The following IL1RAPL2 variants were observed in gnomAD, a reference collection of about 807,000 sequenced individuals.
IL1RAPL2 encodes the protein interleukin 1 receptor accessory protein like 2, also known as X-linked interleukin-1 receptor accessory protein-like 2.
A neutral mutation model predicts 44.1 loss-of-function variants in IL1RAPL2; 3 were observed. The observed-to-expected ratio is 0.07, with a 90% CI of 0.03 to 0.18. The LOEUF (loss-of-function observed/expected upper bound fraction) is 0.18. IL1RAPL2 is among the 10% of genes least tolerant of loss of function. The pLI, the probability that IL1RAPL2 is intolerant of heterozygous loss-of-function variation, is 1.00. For missense variants in IL1RAPL2, 391 were observed against 496.4 expected, an observed-to-expected ratio of 0.79 and a Z score of 2.02; for synonymous variants, 181 against 178.8, an observed-to-expected ratio of 1.01 and a Z score of -0.10.
At chrX:104,571,403 G>T (rs192764122) in intron 1 of IL1RAPL2, among the ~76,000 whole-genome samples, 2 of 111,563 alleles carry the variant, frequency 1.8e-5, no homozygotes, top group East Asian at 5.6e-4. Flanking sequence ...GTTTGGCTGC[G>T]TCCCCACCCA....
At chrX:104,938,105 G>A (rs1319669937) in intron 2 of IL1RAPL2, among the ~76,000 whole-genome samples, 1 of 112,283 alleles carries the variant, frequency 8.9e-6, no homozygotes, top group East Asian at 2.8e-4. Flanking sequence ...TAAACAGTAA[G>A]CCAGTAATAT....
At chrX:104,766,956 A>G (rs1185820850) in intron 2 of IL1RAPL2, among the ~76,000 whole-genome samples, 1 of 112,193 alleles carries the variant, frequency 8.9e-6, no homozygotes, top group Non-Finnish European at 1.9e-5. Context: ...TGTGACTTGG[A>G]ACTGATGTGG....
intron 6 of IL1RAPL2, among the ~76,000 whole-genome samples, chrX:105,540,840 A>C (rs867245271): frequency 1.5e-5 from 1 of 66,304 alleles, no homozygotes; most frequent in Non-Finnish European, 3.3e-5. Flanking sequence ...TATGATATAT[A>C]ATACATACAT....
rs1464771725 is a variant in IL1RAPL2 at position 104,692,256 on chromosome X, C to T, written c.82+33261C>T. ...AATGTAGTCCATATCTGGATATATGCACTTTTTCTATCAAAAAGCTACACA... is the reference window on the plus strand; with the variant it reads ...AATGTAGTCCATATCTGGATATATGTACTTTTTCTATCAAAAAGCTACACA... On this transcript the variant is annotated intron_variant, in intron 2 of 10. Coordinates refer to ENST00000372582, the MANE Select transcript of IL1RAPL2 (RefSeq NM_017416.2). 4.5e-5 allele frequency among the ~76,000 whole-genome samples: 5 copies of T among 110,812 alleles called. No individual in the cohort carries two copies. The East Asian group carries it at 1.1e-3, about 25-fold the overall frequency.
rs1000956466 is a variant in IL1RAPL2 at position 105,376,573 on chromosome X, A to G, written c.698-107740A>G. Among the ~76,000 whole-genome samples the G allele has an allele frequency of 6.3e-5, 7 of 111,299 alleles. No individual in the cohort carries two copies. In the East Asian group the frequency reaches 1.7e-3, roughly 27 times the overall value. ...TGTTGTTCTTCATAGTAAAAGATAA[A>G]CCCTTAGACTCTTTTTTTATTTTTC... On this transcript the variant is annotated intron_variant, in intron 5 of 10. Transcript: ENST00000372582.
At chrX:105,445,663 A>G (rs2035949708) in intron 5 of IL1RAPL2, among the ~76,000 whole-genome samples, 1 of 111,050 alleles carries the variant, frequency 9.0e-6, no homozygotes, top group Non-Finnish European at 1.9e-5. Context: ...TATTCAGGAG[A>G]ATATTCTTTA....
chrX:104,655,310 G>T (rs893576983), intron 1 of IL1RAPL2, among the ~76,000 whole-genome samples: 2 of 111,430 alleles, frequency 1.8e-5, no homozygotes, highest in African/African-American at 6.5e-5. Context: ...CTGTGGGTTT[G>T]TCATAAATGG....
intron 2 of IL1RAPL2, among the ~76,000 whole-genome samples, chrX:104,758,113 C>A (rs989792567): frequency 1.8e-5 from 2 of 111,311 alleles, no homozygotes; most frequent in African/African-American, 3.3e-5. Context: ...AGATTGGGAC[C>A]CTTGGGGCTG....
At chrX:105,345,491 T>A (rs1271514964) in intron 5 of IL1RAPL2, among the ~76,000 whole-genome samples, 8 of 111,904 alleles carry the variant, frequency 7.1e-5, no homozygotes, top group African/African-American at 2.6e-4. Context: ...CAGGACAGTG[T>A]TTGGCAGCCT....
At chrX:105,162,432 C>T (rs776754223) in intron 2 of IL1RAPL2, among the ~76,000 whole-genome samples, 5 of 112,005 alleles carry the variant, frequency 4.5e-5, no homozygotes, top group African/African-American at 1.6e-4. Context: ...GCACAGTATT[C>T]CAGGGCATGT....
At chrX:104,969,911 A>G (rs2030199014) in intron 2 of IL1RAPL2, among the ~76,000 whole-genome samples, 1 of 110,989 alleles carries the variant, frequency 9.0e-6, no homozygotes, top group Non-Finnish European at 1.9e-5. Context: ...CTCATACACT[A>G]GTTTTTTTTT....
chrX:105,015,333 A>G (rs1569361478), intron 2 of IL1RAPL2, among the ~76,000 whole-genome samples: 1 of 110,865 alleles, frequency 9.0e-6, no homozygotes, highest in Non-Finnish European at 1.9e-5. Context: ...CCGTTTGTGA[A>G]TTTTGGCTTT....
chrX:105,618,740 T>G (rs2037396573), intron 6 of IL1RAPL2, among the ~76,000 whole-genome samples: 1 of 112,350 alleles, frequency 8.9e-6, no homozygotes, highest in Non-Finnish European at 1.9e-5. Flanking sequence ...CCTGTGACAT[T>G]TAAATATTCT....
At chrX:104,969,724 A>T (rs945405478) in intron 2 of IL1RAPL2, among the ~76,000 whole-genome samples, 5 of 111,529 alleles carry the variant, frequency 4.5e-5, no homozygotes. Flanking sequence ...ATAACCTCTC[A>T]CAGGAGAGGA....
intron 2 of IL1RAPL2, among the ~76,000 whole-genome samples, chrX:104,787,639 T>C (rs1341557190): frequency 9.0e-6 from 1 of 111,425 alleles, no homozygotes; most frequent in Non-Finnish European, 1.9e-5. Context: ...TACACTTACA[T>C]GTGGGAATGA....
chrX:105,690,076 G>C (rs2038022619), intron 6 of IL1RAPL2, among the ~76,000 whole-genome samples: 1 of 110,474 alleles, frequency 9.1e-6, no homozygotes, highest in Non-Finnish European at 1.9e-5. Context: ...TGGAGGATGG[G>C]GGGCTTGGGG....
At chrX:104,894,347 G>A (rs1405014105) in intron 2 of IL1RAPL2, among the ~76,000 whole-genome samples, 1 of 111,768 alleles carries the variant, frequency 8.9e-6, no homozygotes, top group Non-Finnish European at 1.9e-5. Flanking sequence ...CTAGGTTGGG[G>A]AACTTCTCCT....
At chrX:105,444,958 T>A (rs1382278904) in intron 5 of IL1RAPL2, among the ~76,000 whole-genome samples, 4 of 112,106 alleles carry the variant, frequency 3.6e-5, no homozygotes, top group Non-Finnish European at 5.6e-5. Flanking sequence ...TGGAATAGTT[T>A]CAGAAAGATT....
chrX:105,210,937 C>T (rs1010409737), intron 3 of IL1RAPL2, among the ~76,000 whole-genome samples: 2 of 109,681 alleles, frequency 1.8e-5, no homozygotes, highest in Non-Finnish European at 3.8e-5. Flanking sequence ...CATGTACCCC[C>T]GATCAACACA....
Sources: gnomAD v4.1 joint callset for allele counts (sites outside exome capture counted in the v4.1 genomes callset) on GRCh38, gnomAD v4.1.1 for gene constraint, MANE v1.5 for transcripts, NCBI Gene and HGNC (gene_info 2026-07-23, HGNC 2026-07-21) for gene names.